Variants in ITGB5 observed in about 807,000 individuals in gnomAD.
ITGB5 encodes the protein integrin subunit beta 5.
Under a neutral mutation model 84.8 loss-of-function variants are expected in ITGB5, and 38 were observed. That is an observed-to-expected ratio of 0.45 (90% confidence interval 0.35 to 0.59). The LOEUF is 0.59. Among genes scored for constraint, ITGB5 ranks in the 20% least tolerant of loss-of-function variants. ITGB5 has a pLI of 0.01. For synonymous variants in ITGB5, 393 were observed against 414.4 expected, an observed-to-expected ratio of 0.95 and a Z score of 0.63; for missense variants, 905 against 1,034.5, an observed-to-expected ratio of 0.87 and a Z score of 1.72.
At chr3:124,878,098 C>T (rs1213704296) in intron 1 of ITGB5, among the ~76,000 whole-genome samples, 1 of 152,226 alleles carries the variant, frequency 6.6e-6, no homozygotes, top group African/African-American at 2.4e-5. Flanking sequence ...GATCTGCCCA[C>T]TTCAGCCTCC....
chr3:124,888,064 C>T (rs1934908855), upstream of ITGB5, among the ~76,000 whole-genome samples: 2 of 151,730 alleles, frequency 1.3e-5, no homozygotes, highest in Non-Finnish European at 2.9e-5. Flanking sequence ...TACAGGCGCG[C>T]GCCACCACAC....
chr3:124,815,318 G>A (rs1442606099), intron 8 of ITGB5, among the ~76,000 whole-genome samples: 1 of 152,238 alleles, frequency 6.6e-6, no homozygotes, highest in African/African-American at 2.4e-5. Flanking sequence ...GCCAGGAGCA[G>A]GGGGCCTGGG....
chr3:124,804,603 G>A (rs1008917378), intron 9 of ITGB5, among the ~76,000 whole-genome samples: 3 of 152,108 alleles, frequency 2.0e-5, no homozygotes, highest in Admixed American at 2.0e-4. Flanking sequence ...CTCCAGGTGT[G>A]AGGTTTCAAA....
At chr3:124,807,433 A>T (rs189101229) in intron 9 of ITGB5, among the ~76,000 whole-genome samples, 17 of 152,160 alleles carry the variant, frequency 1.1e-4, no homozygotes, top group East Asian at 3.9e-4. Context: ...ATAAATAAAT[A>T]AATAAATTAT....
intron 4 of ITGB5, among the ~76,000 whole-genome samples, chr3:124,844,580 G>A (rs181586139): frequency 3.3e-5 from 5 of 152,206 alleles, no homozygotes; most frequent in East Asian, 1.9e-4. Context: ...GGTAGGAAAT[G>A]GGCAGGCACT....
chr3:124,891,998 T>TC (rs1342752969), upstream of ITGB5, among the ~76,000 whole-genome samples: 10 of 152,164 alleles, frequency 6.6e-5, no homozygotes, highest in East Asian at 1.7e-3. Flanking sequence ...AGAAATTCTG[T>TC]TATATTACAG....
intron 1 of ITGB5, among the ~76,000 whole-genome samples, chr3:124,899,929 T>TGG (rs1935185095): frequency 7.0e-6 from 1 of 142,886 alleles, no homozygotes; most frequent in Non-Finnish European, 1.5e-5. Context: ...GTTACTTTAC[T>TGG]GGAGAGAATA....
In ITGB5 at chr3:124,789,164, C is replaced by T. The variant is rs368280229; in HGVS notation, c.1693+7224G>A. Among the ~76,000 whole-genome samples, 219 of 152,350 alleles carry T rather than the reference C, an allele frequency of 1.4e-3. 1 individual carries two copies. Among genetic ancestry groups the T allele is most frequent in the Non-Finnish European group, 2.4e-3 (160 of 68,028 alleles). Reference sequence around the variant, plus strand: ...ACAGCAGCAACCTGAGCCCCAAGGACGGCTGCCAGGCTACTGATTCTGAGT... The same window carrying T: ...ACAGCAGCAACCTGAGCCCCAAGGATGGCTGCCAGGCTACTGATTCTGAGT... On this transcript the variant is annotated intron_variant, in intron 10 of 14. Coordinates refer to ENST00000296181, the MANE Select transcript of ITGB5 (RefSeq NM_002213.5).
intron 10 of ITGB5, among the ~76,000 whole-genome samples, chr3:124,775,895 G>A (rs1055338899): frequency 2.6e-5 from 4 of 152,226 alleles, no homozygotes; most frequent in African/African-American, 7.2e-5. Context: ...CCTGTAGGCG[G>A]CAGGGGGACC....
intron 10 of ITGB5, among the ~76,000 whole-genome samples, chr3:124,796,182 T>A (rs2064220078): frequency 6.6e-6 from 1 of 152,164 alleles, no homozygotes; most frequent in Non-Finnish European, 1.5e-5. Context: ...AGTCCACAAT[T>A]TATGGCAATA....
chr3:124,843,623 A>G (rs1438570317), intron 4 of ITGB5, among the ~76,000 whole-genome samples: 1 of 152,206 alleles, frequency 6.6e-6, no homozygotes, highest in African/African-American at 2.4e-5. Context: ...GTCACTTAGG[A>G]AAAGAGCTTT....
intron 9 of ITGB5, among the ~76,000 whole-genome samples, chr3:124,798,147 G>A (rs1327826520): frequency 7.0e-6 from 1 of 142,208 alleles, no homozygotes; most frequent in Non-Finnish European, 1.5e-5. Context: ...CCACCTCCCG[G>A]GTTCAAGCCA....
chr3:124,820,197 A>G lies in ITGB5; in HGVS notation c.943-363T>C, dbSNP rs550364099. Among the ~76,000 whole-genome samples the G allele has an allele frequency of 6.6e-5, 10 of 152,266 alleles. No homozygotes were observed. In the Middle Eastern group the frequency reaches 0.01, roughly 155 times the overall value. On this transcript the variant is annotated intron_variant, in intron 6 of 14. Coordinates refer to ENST00000296181, the MANE Select transcript of ITGB5 (RefSeq NM_002213.5). Reference sequence around the variant, plus strand: ...CAGCCACCACATCCTACCCTCTGTCATCAGTGCCTCTTACCTGTCCTCTCT... The same window carrying G: ...CAGCCACCACATCCTACCCTCTGTCGTCAGTGCCTCTTACCTGTCCTCTCT...
rs1553766695 is a variant in ITGB5 at position 124,865,485 on chromosome 3, T to TTTTC, written c.157-6040_157-6039insGAAA. ...AGTGTCCTTTGCGGCTTTTTTCTTT[T>TTTTC]TTTTTTTTTTTTTTTTTGAGAGACT... On this transcript the variant is annotated intron_variant, in intron 2 of 14. Transcript: ENST00000296181. 6.6e-5 allele frequency among the ~76,000 whole-genome samples: 9 copies of TTTTC among 135,466 alleles called. No individual in the cohort carries two copies. The East Asian group carries it at 1.1e-3, about 16-fold the overall frequency. The allele number at this position is 135,466 out of a possible 152,430, so 88.9% of individuals were successfully genotyped here.
intron 1 of ITGB5, among the ~76,000 whole-genome samples, chr3:124,898,846 C>T (rs1168934844): frequency 6.7e-6 from 1 of 149,672 alleles, no homozygotes; most frequent in Non-Finnish European, 1.5e-5. Context: ...GAGGCCGAGG[C>T]AGGCGGATCA....
chr3:124,828,941 A>C (rs1181780937), intron 5 of ITGB5, among the ~76,000 whole-genome samples: 24 of 152,212 alleles, frequency 1.6e-4, no homozygotes, highest in Admixed American at 1.6e-3. Flanking sequence ...CCTTGTTTAT[A>C]AGAGGGAGGT....
chr3:124,803,301 T>C (rs973926274), intron 9 of ITGB5, among the ~76,000 whole-genome samples: 1 of 152,144 alleles, frequency 6.6e-6, no homozygotes, highest in Admixed American at 6.6e-5. Context: ...CACTGTGGCC[T>C]CGGAAGCAGC....
intron 3 of ITGB5, among the ~76,000 whole-genome samples, chr3:124,853,616 C>T (rs748346023): frequency 2.0e-5 from 3 of 152,128 alleles, no homozygotes; most frequent in Non-Finnish European, 2.9e-5. Flanking sequence ...AACTTTATTG[C>T]AGAAGCAATA....
chr3:124,899,066 ACT>A (rs904763919), intron 1 of ITGB5, among the ~76,000 whole-genome samples: 2 of 151,086 alleles, frequency 1.3e-5, no homozygotes, highest in Admixed American at 6.6e-5. Flanking sequence ...TAAGAGTGAG[ACT>A]CTGTCTCAAA....
Sources: gnomAD v4.1 joint callset for allele counts (sites outside exome capture counted in the v4.1 genomes callset) on GRCh38, gnomAD v4.1.1 for gene constraint, MANE v1.5 for transcripts, NCBI Gene and HGNC (gene_info 2026-07-23, HGNC 2026-07-21) for gene names.